The following P3H1 variants were observed in gnomAD, a reference collection of about 807,000 sequenced individuals.
P3H1 encodes the protein prolyl 3-hydroxylase 1.
Under a neutral mutation model 84.0 loss-of-function variants are expected in P3H1, and 69 were observed. The ratio of observed to expected loss-of-function variants is 0.82; its 90% CI spans 0.68 to 1.00. P3H1 has a LOEUF of 1.00. P3H1 is among the 50% of genes least tolerant of loss of function. The pLI is 0.00. For missense variants in P3H1, 878 were observed against 962.8 expected, an observed-to-expected ratio of 0.91 and a Z score of 1.17; for synonymous variants, 366 against 388.8, an observed-to-expected ratio of 0.94 and a Z score of 0.69.
intron 10 of P3H1, among the ~76,000 whole-genome samples, 184 bp from the exon 11 acceptor site, chr1:42,750,520 C>G (rs112128048): frequency 6.6e-6 from 1 of 152,190 alleles, no homozygotes; most frequent in Non-Finnish European, 1.5e-5. Flanking sequence ...GAATAAGTCT[C>G]ACGAGATCTG....
At chr1:42,748,656 C>T (rs971119767) in intron 11 of P3H1, 2 of 362,874 alleles carry the variant, frequency 5.5e-6, no homozygotes, top group Admixed American at 3.7e-5. Flanking sequence ...GGAGGTGGGA[C>T]GGACGCAGGG....
intron 10 of P3H1, among the ~76,000 whole-genome samples, chr1:42,750,606 A>T (rs985623356): frequency 7.2e-6 from 1 of 139,340 alleles, no homozygotes; most frequent in Non-Finnish European, 1.5e-5. Context: ...CTGGGAAGTG[A>T]GGAGCCCCTC....
intron 1 of P3H1, among the ~76,000 whole-genome samples, chr1:42,764,938 C>T (rs1652913244): frequency 6.6e-6 from 1 of 152,166 alleles, no homozygotes. Context: ...CCCCAGCCTT[C>T]TTTACTCTCT....
chr1:42,766,203 C>T (rs376559983), intron 1 of P3H1, among the ~76,000 whole-genome samples: 1 of 152,212 alleles, frequency 6.6e-6, no homozygotes, highest in Admixed American at 6.5e-5. Flanking sequence ...GAATGGGAGA[C>T]CCAAACTGCC....
chr1:42,755,711 G>C (rs1429812084), intron 5 of P3H1, 74 bp from the exon 6 acceptor site: 2 of 1,112,112 alleles, frequency 1.8e-6, no homozygotes, highest in Non-Finnish European at 2.7e-6. Context: ...CCCCTCCCTG[G>C]CACCCCACAC....
chr1:42,766,598 C>T lies in P3H1; in HGVS notation c.374G>A (p.Gly125Glu), dbSNP rs1653013450. The T allele has an allele frequency of 6.2e-7, 1 of 1,609,674 alleles. No individual in the cohort carries two copies. The highest frequency in any genetic ancestry group is 8.5e-7 in the Non-Finnish European group (1 of 1,178,460). ...GCTGAGCGAGTGGGCGGCCGGCGGC[C>T]CGAGGCAGCGGCGCAGGCAGGCAGC... Reference protein sequence around the residue: ...RRAACLRRCLGPPAAHSLSEE... With the variant: ...RRAACLRRCLEPPAAHSLSEE... Residue 125 changes from glycine to glutamate, a missense_variant, in exon 1 of 15, where the codon GGG (glycine) becomes GAG (glutamate). Gly to Glu is a moderately conservative substitution (Grantham distance 98). Coordinates refer to ENST00000296388, the MANE Select transcript of P3H1 (RefSeq NM_022356.4).
At chr1:42,766,260 A>G (rs1652990641) in intron 1 of P3H1, among the ~76,000 whole-genome samples, 1 of 152,170 alleles carries the variant, frequency 6.6e-6, no homozygotes, top group Non-Finnish European at 1.5e-5. Context: ...AATGGCCATG[A>G]GTTTTGCTTG....
chr1:42,755,686 T>A, intron 5 of P3H1, 49 bp from the exon 6 acceptor site: 1 of 1,485,120 alleles, frequency 6.7e-7, no homozygotes. Flanking sequence ...CCCTGTCTTT[T>A]AACCTCTGGG....
Position 42,759,202 on chromosome 1 carries a change from T to G in P3H1, c.807A>C (p.Thr269=). 4 of 1,614,214 alleles carry G rather than the reference T, an allele frequency of 2.5e-6. No homozygotes were observed. The highest frequency in any genetic ancestry group is 3.4e-6 in the Non-Finnish European group (4 of 1,180,024). ...EYNADLFQAI[T]DHYIQVLNCK... Reference sequence around the variant, plus strand: ...GGTCTGGCTCTGAACTGCACGCACCTGTGATGGCCTGGAAGAGGTCAGCGT... The same window carrying G: ...GGTCTGGCTCTGAACTGCACGCACCGGTGATGGCCTGGAAGAGGTCAGCGT... The change falls in exon 3 of 15, where the codon ACA becomes ACC. Residue 269 remains threonine, a splice_region_variant and synonymous_variant. Transcript: ENST00000296388.
chr1:42,766,707 G>A lies in P3H1; in HGVS notation c.265C>T (p.Pro89Ser). 1 of 1,544,028 alleles carries A rather than the reference G, an allele frequency of 6.5e-7. No individual in the cohort carries two copies. The highest frequency in any genetic ancestry group is 8.7e-7 in the Non-Finnish European group (1 of 1,144,922). The change falls in exon 1 of 15, where the codon CCC (proline) becomes TCC (serine). Residue 89 changes from proline (P) to serine (S), a missense_variant. Transcript: ENST00000296388. ...CAADFPWELDPDWSPSPAQAS... is the reference protein window; with the variant it reads ...CAADFPWELDSDWSPSPAQAS... ...TGGGCCGGGCTGGGGGACCAGTCGG[G>A]GTCCAGCTCCCACGGGAAGTCGGCG... is the stretch of plus-strand genomic sequence containing the variant.
intron 14 of P3H1, 154 bp downstream of exon 14, chr1:42,747,118 A>G: frequency 1.9e-6 from 3 of 1,614,216 alleles, no homozygotes; most frequent in Non-Finnish European, 2.5e-6. Flanking sequence ...CAATGTGACC[A>G]TAATGACAGG....
At position 42,755,486 on chromosome 1, in the gene P3H1, C is replaced by T. The variant is rs1029414979; in HGVS notation, c.1170+62G>A. 27 of 1,358,284 alleles carry T rather than the reference C, an allele frequency of 2.0e-5. No individual in the cohort carries two copies. The African/African-American group carries it at 2.9e-4, about 14-fold the overall frequency. The allele number at this position is 1,358,284 out of a possible 1,614,324, so 84.1% of individuals were successfully genotyped here. ...AGAATCGCACAGTGTTCCCCTCCTCCCCATTCATCTCTCCTGCTCACTCTT... is the reference window on the plus strand; with the variant it reads ...AGAATCGCACAGTGTTCCCCTCCTCTCCATTCATCTCTCCTGCTCACTCTT... On this transcript the variant is annotated intron_variant, in intron 6 of 14. Coordinates refer to ENST00000296388, the MANE Select transcript of P3H1 (RefSeq NM_022356.4).
intron 10 of P3H1, among the ~76,000 whole-genome samples, chr1:42,750,780 C>T (rs2124098624): frequency 7.0e-6 from 1 of 143,642 alleles, no homozygotes; most frequent in South Asian, 2.3e-4. Context: ...AAGTGAGGAC[C>T]CCTCTGCCCG....
intron 1 of P3H1, among the ~76,000 whole-genome samples, chr1:42,765,918 C>G (rs1250743536): frequency 6.6e-6 from 1 of 152,026 alleles, no homozygotes; most frequent in African/African-American, 2.4e-5. Flanking sequence ...TGGAACGCTC[C>G]AAGCCCAAGT....
chr1:42,758,722 G>A (rs1652534556), intron 4 of P3H1, 130 bp downstream of exon 4: 1 of 1,110,580 alleles, frequency 9.0e-7, no homozygotes, highest in East Asian at 2.4e-5. Flanking sequence ...GGATCACTTG[G>A]CATGGTGCCT....
In P3H1 at chr1:42,762,359, C is replaced by T. The variant is rs1235483593; in HGVS notation, c.582G>A (p.Glu194=). The T allele has an allele frequency of 6.2e-7, 1 of 1,614,134 alleles. No individual in the cohort carries two copies. The change falls in exon 2 of 15, where the codon GAG becomes GAA. Residue 194 remains glutamate, a synonymous_variant. Coordinates refer to ENST00000296388, the MANE Select transcript of P3H1 (RefSeq NM_022356.4). ...GAGTCTCAAGATCCTTGAAGTCGGC[C>T]TCCTTCACTCCAGACATGGTTTGGT... is the stretch of plus-strand genomic sequence containing the variant. ...DYYQTMSGVK[E]ADFKDLETQP...
chr1:42,755,005 G>T lies in P3H1; in HGVS notation c.1224-15C>A. On this transcript the variant is annotated splice_polypyrimidine_tract_variant and intron_variant, in intron 7 of 14. Transcript: ENST00000296388. ...CCCGTTCTGACCTATGAGCACAGCC[G>T]CTCTGAGGACTGCATTCCAGGGCCA... 1 of 1,614,096 alleles carries T rather than the reference G, an allele frequency of 6.2e-7. No homozygotes were observed. Among genetic ancestry groups the T allele is most frequent in the African/African-American group, 1.3e-5 (1 of 75,034 alleles).
intron 10 of P3H1, among the ~76,000 whole-genome samples, chr1:42,751,044 A>C (rs71518464): frequency 2.1e-5 from 2 of 96,188 alleles, no homozygotes; most frequent in South Asian, 9.4e-4. Flanking sequence ...CCCTCTGCCC[A>C]GCCACGACCC....
At chr1:42,752,738 C>T (rs1652186972) in intron 8 of P3H1, 74 bp from the exon 9 acceptor site, 3 of 1,576,622 alleles carry the variant, frequency 1.9e-6, no homozygotes, top group East Asian at 4.5e-5. Flanking sequence ...GATATTGCCT[C>T]CTCGTCACAA....
Sources: allele counts gnomAD v4.1 joint callset (sites outside exome capture counted in the v4.1 genomes callset), GRCh38; gene constraint gnomAD v4.1.1; transcripts MANE v1.5; gene names NCBI Gene and HGNC (gene_info 2026-07-23, HGNC 2026-07-21).